Variants in NWD2 observed in about 807,000 individuals in gnomAD.
NWD2 encodes NACHT and WD repeat domain containing 2.
In NWD2, 37 loss-of-function variants were observed where a neutral mutation model predicts 132.7. That is an observed-to-expected ratio of 0.28 (90% CI 0.21 to 0.37). The LOEUF is 0.37. Among genes scored for constraint, NWD2 ranks in the 10% least tolerant of loss-of-function variants. The pLI is 1.00. For missense variants in NWD2, 1,592 were observed against 2,122.4 expected (o/e 0.75, Z 4.91); for synonymous variants, 705 against 803.0 (o/e 0.88, Z 2.06).
chr4:37,374,005 G>A (rs1207579592), intron 3 of NWD2, among the ~76,000 whole-genome samples: 1 of 152,236 alleles, frequency 6.6e-6, no homozygotes, highest in Non-Finnish European at 1.5e-5. Context: ...CAGCTAGATG[G>A]TAGGGATGGG....
chr4:37,350,772 G>C (rs189355381), intron 2 of NWD2, among the ~76,000 whole-genome samples: 1 of 152,176 alleles, frequency 6.6e-6, no homozygotes, highest in African/African-American at 2.4e-5. Context: ...AGTTTTCAAA[G>C]AGAATGTTTC....
intron 3 of NWD2, among the ~76,000 whole-genome samples, chr4:37,418,338 G>T (rs1264943386): frequency 6.6e-6 from 1 of 152,022 alleles, no homozygotes. Context: ...GGGAAGAAGA[G>T]ACAAGTCTTC....
chr4:37,299,421 A>G (rs1577660115), intron 1 of NWD2, among the ~76,000 whole-genome samples: 1 of 152,070 alleles, frequency 6.6e-6, no homozygotes, highest in Non-Finnish European at 1.5e-5. Flanking sequence ...TGTACTCTAT[A>G]TCTGAATTCT....
intron 1 of NWD2, among the ~76,000 whole-genome samples, chr4:37,260,509 A>G (rs1577647006): frequency 6.6e-6 from 1 of 152,222 alleles, no homozygotes; most frequent in Non-Finnish European, 1.5e-5. Flanking sequence ...TAGTAAAAAT[A>G]CCACCTGTCC....
At chr4:37,273,111 T>C (rs1006877224) in intron 1 of NWD2, among the ~76,000 whole-genome samples, 13 of 151,900 alleles carry the variant, frequency 8.6e-5, no homozygotes, top group Non-Finnish European at 1.9e-4. Context: ...TCTCTCAGTA[T>C]TTATCTGTAG....
rs775004532 is a variant in NWD2, at chr4:37,444,241, C to T, written c.2253C>T (p.Asp751=). 1 of 1,551,688 alleles carries T rather than the reference C, an allele frequency of 6.4e-7. No individual in the cohort carries two copies. Among genetic ancestry groups the T allele is most frequent in the South Asian group, 1.2e-5 (1 of 84,056 alleles). The change falls in exon 7 of 7, where the codon GAC becomes GAT. Residue 751 remains aspartate, a synonymous_variant. Transcript: ENST00000309447. This position sits in a 1 kb window ranked among gnomAD's most constrained non-coding sequence, Gnocchi z 4.8. ...AGCTATATCTGCAGGATGACAATGA[C>T]CTGCGTGAAATGCACACCATCTTAG... ...AQKLYLQDDN[D]LREMHTILAD...
chr4:37,369,714 A>C (rs1348932877), intron 3 of NWD2, among the ~76,000 whole-genome samples: 2 of 152,216 alleles, frequency 1.3e-5, no homozygotes, highest in Non-Finnish European at 2.9e-5. Flanking sequence ...TGCAAAGAAA[A>C]TGCAAAAGGT....
At chr4:37,253,754 G>A (rs538249722) in intron 1 of NWD2, among the ~76,000 whole-genome samples, 4 of 152,150 alleles carry the variant, frequency 2.6e-5, no homozygotes, top group Admixed American at 2.6e-4. Context: ...TAAATAAGTT[G>A]TTTAAAGCCA....
intron 3 of NWD2, among the ~76,000 whole-genome samples, chr4:37,407,988 C>G (rs576984743): frequency 2.6e-5 from 4 of 152,298 alleles, no homozygotes; most frequent in African/African-American, 9.6e-5. Flanking sequence ...CTGAGGAACT[C>G]CAGCACAGAT....
chr4:37,271,624 A>G (rs996426579), intron 1 of NWD2, among the ~76,000 whole-genome samples: 3 of 151,876 alleles, frequency 2.0e-5, no homozygotes, highest in Admixed American at 2.0e-4. Context: ...ACAAAACCAT[A>G]TCATCTAGAA....
intron 1 of NWD2, among the ~76,000 whole-genome samples, chr4:37,262,706 A>G (rs1220176353): frequency 2.0e-5 from 3 of 152,136 alleles, no homozygotes; most frequent in East Asian, 3.9e-4. Context: ...TATTGGATCT[A>G]TAGAGGAGCA....
intron 1 of NWD2, among the ~76,000 whole-genome samples, chr4:37,300,250 A>G (rs533775337): frequency 5.3e-5 from 8 of 152,262 alleles, no homozygotes; most frequent in African/African-American, 1.4e-4. Flanking sequence ...TTGCCCGATT[A>G]TATCATGAGA....
chr4:37,309,425 A>T (rs953323466), intron 1 of NWD2, among the ~76,000 whole-genome samples: 6 of 152,008 alleles, frequency 3.9e-5, no homozygotes, highest in Admixed American at 1.3e-4. Flanking sequence ...CAGCTACACC[A>T]CGGGGTCCAA....
At chr4:37,316,468 G>C (rs1292072940) in intron 1 of NWD2, among the ~76,000 whole-genome samples, 1 of 151,810 alleles carries the variant, frequency 6.6e-6, no homozygotes, top group Non-Finnish European at 1.5e-5. Context: ...GATCCTTTGT[G>C]TTTATCCTAG....
At chr4:37,389,165 T>C (rs1432652194) in intron 3 of NWD2, among the ~76,000 whole-genome samples, 3 of 152,208 alleles carry the variant, frequency 2.0e-5, no homozygotes, top group African/African-American at 7.2e-5. Flanking sequence ...GTGCTATTCA[T>C]GCTGGGAACC....
At chr4:37,314,070 GGTTAT>G (rs1375066222) in intron 1 of NWD2, among the ~76,000 whole-genome samples, 1 of 152,016 alleles carries the variant, frequency 6.6e-6, no homozygotes, top group Non-Finnish European at 1.5e-5. Context: ...GCAGTCATGT[GGTTAT>G]GTTCTTTATT....
intron 3 of NWD2, among the ~76,000 whole-genome samples, chr4:37,422,784 T>C (rs1560251930): frequency 6.6e-6 from 1 of 152,194 alleles, no homozygotes; most frequent in Non-Finnish European, 1.5e-5. Flanking sequence ...AAGCTGAAAC[T>C]CAGAGAGACA....
At chr4:37,346,411 T>C (rs1404076395) in intron 2 of NWD2, among the ~76,000 whole-genome samples, 1 of 152,212 alleles carries the variant, frequency 6.6e-6, no homozygotes, top group East Asian at 1.9e-4. Flanking sequence ...TCTTAATTAT[T>C]GTGGTTTTGT....
chr4:37,387,790 T>A (rs1331280554), intron 3 of NWD2, among the ~76,000 whole-genome samples: 6 of 146,928 alleles, frequency 4.1e-5, no homozygotes, highest in African/African-American at 7.6e-5. Flanking sequence ...TTCTCCCGCC[T>A]CAGCCTACTG....
Sources: gnomAD v4.1 joint callset for allele counts (sites outside exome capture counted in the v4.1 genomes callset) on GRCh38, gnomAD v4.1.1 for gene constraint, Gnocchi (gnomAD v3.1) non-coding constraint, MANE v1.5 for transcripts, NCBI Gene and HGNC (gene_info 2026-07-23, HGNC 2026-07-21) for gene names.